The following FAAH2 variants were observed in gnomAD, a reference collection of about 807,000 sequenced individuals.
FAAH2 encodes the protein fatty-acid amide hydrolase 2.
Under a neutral mutation model 36.9 loss-of-function variants are expected in FAAH2, and 60 were observed. The ratio of observed to expected loss-of-function variants is 1.63; its 90% confidence interval spans 1.32 to 2.02. FAAH2 has a LOEUF of 2.02. Ranked by LOEUF, FAAH2 falls within the 30% of genes most tolerant of loss-of-function variation. The probability of loss-of-function intolerance (pLI) is 0.00; values close to 1 mark genes in which losing one functional copy is unlikely to be tolerated. For missense variants in FAAH2, 689 were observed against 397.5 expected (o/e 1.73, Z -6.23); for synonymous variants, 214 against 143.8 (o/e 1.49, Z -3.49).
At chrX:57,267,545 G>T in the FAAH2 span, among the ~76,000 whole-genome samples, 3 of 112,263 alleles carry the variant, frequency 2.7e-5, no homozygotes, top group Admixed American at 2.8e-4. Context: ...CCAACCCTTG[G>T]CTGCCTTGCC....
the FAAH2 span, among the ~76,000 whole-genome samples, chrX:57,260,066 C>T: frequency 9.0e-6 from 1 of 111,523 alleles, no homozygotes; most frequent in Non-Finnish European, 1.9e-5. Flanking sequence ...AATATAACTT[C>T]AAACAATCAT....
At chrX:57,136,902 A>G in the FAAH2 span, 12 of 687,737 alleles carry the variant, frequency 1.7e-5, 2 homozygotes, top group South Asian at 3.1e-4. Flanking sequence ...TACTGCCACT[A>G]GCATCCACTC....
chrX:57,135,631 AG>A, the FAAH2 span: 1 of 962,777 alleles, frequency 1.0e-6, no homozygotes, highest in Non-Finnish European at 1.4e-6. Context: ...AACAAGACAA[AG>A]GGCTTACAGA....
chrX:57,483,745 G>T (rs1454867988), intron 10 of FAAH2, among the ~76,000 whole-genome samples: 1 of 101,500 alleles, frequency 9.9e-6, no homozygotes, highest in Non-Finnish European at 2.0e-5. Context: ...AGAGTCCTTG[G>T]CTCTGCTCCT....
At chrX:57,206,832 C>G in the FAAH2 span, among the ~76,000 whole-genome samples, 1 of 111,904 alleles carries the variant, frequency 8.9e-6, no homozygotes, top group African/African-American at 3.3e-5. Context: ...AGTTAACATT[C>G]TCCATTTACC....
chrX:57,336,439 C>T (rs929307657), intron 4 of FAAH2, among the ~76,000 whole-genome samples: 5 of 111,518 alleles, frequency 4.5e-5, no homozygotes, highest in African/African-American at 9.8e-5. Flanking sequence ...TCTCTTCACA[C>T]GGACGCGCAT....
chrX:57,485,023 G>A (rs762778064), intron 10 of FAAH2, among the ~76,000 whole-genome samples: 1 of 111,759 alleles, frequency 8.9e-6, no homozygotes, highest in East Asian at 2.9e-4. Flanking sequence ...TGTGGTTATT[G>A]GGCTCTCCAA....
chrX:57,150,675 C>T, the FAAH2 span, among the ~76,000 whole-genome samples: 2 of 111,929 alleles, frequency 1.8e-5, no homozygotes, highest in East Asian at 2.8e-4. Context: ...AGATGGGTTT[C>T]GTGAATACAG....
At chrX:57,438,752 TC>T (rs2056474494) in intron 8 of FAAH2, among the ~76,000 whole-genome samples, 1 of 67,208 alleles carries the variant, frequency 1.5e-5, no homozygotes, top group African/African-American at 4.8e-5. Context: ...CCCTCCCCCC[TC>T]CCCCCACCCC....
At chrX:57,201,053 G>GTT in the FAAH2 span, among the ~76,000 whole-genome samples, 782 of 96,458 alleles carry the variant, frequency 8.1e-3, 7 homozygotes, top group African/African-American at 0.018. Context: ...TAGGGTAAAA[G>GTT]TTTTTTTTTT....
At chrX:57,247,746 T>G in the FAAH2 span, among the ~76,000 whole-genome samples, 1 of 112,047 alleles carries the variant, frequency 8.9e-6, no homozygotes, top group Non-Finnish European at 1.9e-5. Flanking sequence ...TTCATTCACA[T>G]CTCATCAGCC....
chrX:57,384,511 A>C (rs773833571), intron 7 of FAAH2, among the ~76,000 whole-genome samples: 290 of 110,596 alleles, frequency 2.6e-3, no homozygotes, highest in Non-Finnish European at 4.5e-3. Context: ...AAAAGTGGGC[A>C]AAGGATATGA....
chrX:57,345,960 A>G (rs2053810989), intron 5 of FAAH2, among the ~76,000 whole-genome samples: 1 of 111,594 alleles, frequency 9.0e-6, no homozygotes, highest in African/African-American at 3.3e-5. Flanking sequence ...ATTGGTTTCT[A>G]TACTTTTTGC....
chrX:57,295,625 A>G (rs1259834515), intron 2 of FAAH2, among the ~76,000 whole-genome samples: 1 of 112,085 alleles, frequency 8.9e-6, no homozygotes, highest in East Asian at 2.8e-4. Flanking sequence ...CAGTGGGTGC[A>G]GTGCACCGTG....
intron 10 of FAAH2, among the ~76,000 whole-genome samples, chrX:57,466,943 A>T (rs923066530): frequency 9.0e-6 from 1 of 111,555 alleles, no homozygotes; most frequent in South Asian, 3.8e-4. Context: ...TTGAGCTTTA[A>T]TAATCAAGAT....
At chrX:57,466,414 CTTAA>C (rs200814084) in intron 10 of FAAH2, among the ~76,000 whole-genome samples, 1,566 of 103,198 alleles carry the variant, frequency 0.015, 28 homozygotes, top group African/African-American at 0.053. Flanking sequence ...GTATATATAT[CTTAA>C]TTAAAATAAT....
At chrX:57,127,234 A>G in the FAAH2 span, 11 of 111,472 alleles carry the variant, frequency 9.9e-5, no homozygotes, top group Admixed American at 5.7e-4. Flanking sequence ...CATTCATACA[A>G]CCAGCTCCCA....
At chrX:57,252,260 C>T in the FAAH2 span, among the ~76,000 whole-genome samples, 1 of 112,678 alleles carries the variant, frequency 8.9e-6, no homozygotes, top group East Asian at 2.8e-4. Context: ...CAGAGCCCAC[C>T]GCAGCTCAGC....
the FAAH2 span, among the ~76,000 whole-genome samples, chrX:57,185,714 C>T: frequency 9.1e-6 from 1 of 109,825 alleles, no homozygotes; most frequent in African/African-American, 3.3e-5. Context: ...GCCTTTCCCC[C>T]CACCCCCCAA....
Sources: allele counts gnomAD v4.1 joint callset (sites outside exome capture counted in the v4.1 genomes callset), GRCh38; gene constraint gnomAD v4.1.1; transcripts MANE v1.5; gene names NCBI Gene and HGNC (gene_info 2026-07-23, HGNC 2026-07-21).